KCNK10: variants seen among roughly 807,000 people sequenced by gnomAD.
KCNK10 encodes the protein potassium two pore domain channel subfamily K member 10.
Under a neutral mutation model 47.7 loss-of-function variants are expected in KCNK10, and 25 were observed. The ratio of observed to expected loss-of-function variants is 0.52; its 90% confidence interval spans 0.38 to 0.73. KCNK10 has a LOEUF of 0.73. Among genes scored for constraint, KCNK10 ranks in the 30% least tolerant of loss-of-function variants. The pLI is 0.00. For synonymous variants in KCNK10, 303 were observed against 285.6 expected, an observed-to-expected ratio of 1.06 and a Z score of -0.61; for missense variants, 563 against 714.5, an observed-to-expected ratio of 0.79 and a Z score of 2.42.
intron 1 of KCNK10, among the ~76,000 whole-genome samples, chr14:88,276,078 A>C (rs1887519995): frequency 6.6e-6 from 1 of 152,052 alleles, no homozygotes; most frequent in South Asian, 2.1e-4. Flanking sequence ...CCTTGTTACC[A>C]CAAGAACTGT....
At chr14:88,263,157 A>G (rs1292854686) in intron 2 of KCNK10, 45 bp downstream of exon 2, 3 of 1,501,548 alleles carry the variant, frequency 2.0e-6, no homozygotes, top group South Asian at 1.2e-5. Flanking sequence ...CAACACTGCC[A>G]TCCACCCCAC....
chr14:88,253,843 A>G (rs1886866782), intron 2 of KCNK10, among the ~76,000 whole-genome samples: 1 of 152,176 alleles, frequency 6.6e-6, no homozygotes, highest in Admixed American at 6.5e-5. Flanking sequence ...GGTTGCAGTG[A>G]GCTAAGATCT....
chr14:88,240,811 C>T lies in KCNK10; in HGVS notation c.412G>A (p.Asp138Asn). Residue 138 changes from aspartate (D) to asparagine (N), a missense_variant, in exon 3 of 7, where the codon GAT becomes AAT. Physicochemically the swap from Asp to Asn is conservative, Grantham distance 23 (BLOSUM62 1). Transcript: ENST00000319231. ...GGACTGACTCCCGCATTGTCAGCAT[C>T]AAGAGCATGCTGCAAAGAAAGGGAA... ...ELETLIQHAL[D>N]ADNAGVSPIG... The T allele has an allele frequency of 6.2e-7, 1 of 1,601,814 alleles. No individual in the cohort carries two copies. Among genetic ancestry groups the T allele is most frequent in the Non-Finnish European group, 8.5e-7 (1 of 1,169,838 alleles).
chr14:88,236,095 C>T (rs983002184), intron 3 of KCNK10, among the ~76,000 whole-genome samples: 6 of 152,144 alleles, frequency 3.9e-5, no homozygotes, highest in African/African-American at 1.4e-4. Context: ...GTAGGAGGAT[C>T]CTTTGAGGCC....
At chr14:88,219,426 C>T (rs1454744594) in intron 4 of KCNK10, among the ~76,000 whole-genome samples, 7 of 152,246 alleles carry the variant, frequency 4.6e-5, no homozygotes, top group African/African-American at 1.7e-4. Flanking sequence ...CCCACCCTAT[C>T]TAGCCCCTGA....
intron 2 of KCNK10, among the ~76,000 whole-genome samples, chr14:88,245,187 T>G (rs1273253762): frequency 6.6e-6 from 1 of 152,202 alleles, no homozygotes; most frequent in African/African-American, 2.4e-5. Flanking sequence ...TTTTACTTCT[T>G]TCTAAAATTA....
chr14:88,257,191 G>A (rs940538387), intron 2 of KCNK10, among the ~76,000 whole-genome samples: 6 of 152,052 alleles, frequency 3.9e-5, no homozygotes, highest in Middle Eastern at 3.4e-3. Flanking sequence ...CCTTCTTCCC[G>A]TTTCTCCTTC....
chr14:88,203,448 C>T (rs1442201453), intron 4 of KCNK10, among the ~76,000 whole-genome samples: 1 of 152,322 alleles, frequency 6.6e-6, no homozygotes, highest in South Asian at 2.1e-4. Flanking sequence ...TCAGCTGCCT[C>T]GAGGCAGGTC....
intron 4 of KCNK10, among the ~76,000 whole-genome samples, chr14:88,226,789 A>T (rs1462688424): frequency 6.6e-6 from 1 of 152,196 alleles, no homozygotes; most frequent in Non-Finnish European, 1.5e-5. Context: ...AAAGGAAAAA[A>T]CCCACTAAGG....
intron 1 of KCNK10, among the ~76,000 whole-genome samples, chr14:88,318,334 G>A (rs1360455976): frequency 1.3e-5 from 2 of 152,198 alleles, no homozygotes; most frequent in Admixed American, 6.5e-5. Flanking sequence ...CTGGGGTTAT[G>A]GCAATAAACA....
At chr14:88,320,425 AC>A (rs1236238300) in intron 1 of KCNK10, among the ~76,000 whole-genome samples, 2 of 152,190 alleles carry the variant, frequency 1.3e-5, no homozygotes, top group African/African-American at 4.8e-5. Flanking sequence ...ACCTTAAAAC[AC>A]AAAGCCAGCT....
chr14:88,245,474 C>G (rs1018806578), intron 2 of KCNK10, among the ~76,000 whole-genome samples: 5 of 152,170 alleles, frequency 3.3e-5, no homozygotes, highest in Non-Finnish European at 5.9e-5. Flanking sequence ...CCCCCCACCA[C>G]GTTTTCCCCA....
At chr14:88,257,542 C>T (rs545846746) in intron 2 of KCNK10, among the ~76,000 whole-genome samples, 1 of 152,350 alleles carries the variant, frequency 6.6e-6, no homozygotes, top group African/African-American at 2.4e-5. Flanking sequence ...TCCCAGATAT[C>T]GTGTTTCTGT....
chr14:88,292,189 G>A (rs747830455), intron 1 of KCNK10, among the ~76,000 whole-genome samples: 18 of 152,168 alleles, frequency 1.2e-4, no homozygotes, highest in Non-Finnish European at 2.2e-4. Flanking sequence ...CCTTGACTGT[G>A]GTGGAGCCAA....
intron 5 of KCNK10, among the ~76,000 whole-genome samples, 189 bp from the exon 6 acceptor site, chr14:88,188,298 A>G (rs908144176): frequency 6.6e-6 from 1 of 152,176 alleles, no homozygotes; most frequent in African/African-American, 2.4e-5. Flanking sequence ...AAAAAAGCCT[A>G]ACTTAAGGCT....
chr14:88,232,165 A>C (rs867661705), intron 3 of KCNK10, among the ~76,000 whole-genome samples: 1 of 152,230 alleles, frequency 6.6e-6, no homozygotes, highest in Non-Finnish European at 1.5e-5. Context: ...AAACAGCTTA[A>C]GTTCCCAGGA....
chr14:88,308,119 G>A (rs1027763517), intron 1 of KCNK10, among the ~76,000 whole-genome samples: 1 of 152,152 alleles, frequency 6.6e-6, no homozygotes, highest in Admixed American at 6.5e-5. Context: ...CTGCAGCCGT[G>A]GGAGTATGGC....
At chr14:88,298,025 T>C (rs1440682598) in intron 1 of KCNK10, among the ~76,000 whole-genome samples, 1 of 152,012 alleles carries the variant, frequency 6.6e-6, no homozygotes, top group African/African-American at 2.4e-5. Flanking sequence ...AAAGGCAGAA[T>C]TGCATCCACA....
intron 2 of KCNK10, among the ~76,000 whole-genome samples, chr14:88,248,963 G>T (rs963407757): frequency 3.3e-5 from 5 of 152,172 alleles, no homozygotes; most frequent in African/African-American, 1.2e-4. Flanking sequence ...ATCCTGTGAG[G>T]TTATAGTAGT....
Sources: gnomAD v4.1 joint callset for allele counts (sites outside exome capture counted in the v4.1 genomes callset) on GRCh38, gnomAD v4.1.1 for gene constraint, MANE v1.5 for transcripts, NCBI Gene and HGNC (gene_info 2026-07-23, HGNC 2026-07-21) for gene names.